The following LUZP2 variants were observed in gnomAD, a reference collection of about 807,000 sequenced individuals.
The protein encoded by LUZP2 is leucine zipper protein 2.
In LUZP2, 52 loss-of-function variants were observed where a neutral mutation model predicts 51.6. That is an observed-to-expected ratio of 1.01 (90% CI 0.81 to 1.27). LUZP2 has a LOEUF of 1.27. Ranked by LOEUF, LUZP2 falls within the 50% of genes most tolerant of loss-of-function variation. The pLI is 0.00. For missense variants in LUZP2, 436 were observed against 395.4 expected (o/e 1.10, Z -0.87); for synonymous variants, 154 against 137.3 (o/e 1.12, Z -0.85).
At chr11:24,623,258 A>G (rs1489509194) in intron 1 of LUZP2, among the ~76,000 whole-genome samples, 1 of 151,626 alleles carries the variant, frequency 6.6e-6, no homozygotes, top group East Asian at 1.9e-4. Context: ...GGAAAAAAAA[A>G]TTTACGGGAC....
chr11:24,734,465 A>T (rs1163130366), intron 3 of LUZP2, among the ~76,000 whole-genome samples: 1 of 151,898 alleles, frequency 6.6e-6, no homozygotes, highest in Non-Finnish European at 1.5e-5. Context: ...CAAGTCTTTC[A>T]AAGAGAGGGT....
chr11:24,681,172 G>A (rs945205943), intron 1 of LUZP2, among the ~76,000 whole-genome samples: 17 of 151,670 alleles, frequency 1.1e-4, no homozygotes, highest in Non-Finnish European at 1.9e-4. Flanking sequence ...TAGTAGAGAC[G>A]GGGTTTCACC....
At chr11:24,548,147 T>A (rs910835719) in intron 1 of LUZP2, among the ~76,000 whole-genome samples, 4 of 151,998 alleles carry the variant, frequency 2.6e-5, no homozygotes, top group African/African-American at 9.7e-5. Context: ...CCTGGAGATT[T>A]CACAAGGAAC....
chr11:25,030,706 A>AT (rs1046556283), intron 9 of LUZP2, among the ~76,000 whole-genome samples: 9 of 150,014 alleles, frequency 6.0e-5, no homozygotes, highest in Non-Finnish European at 8.9e-5. Context: ...TTAATACATA[A>AT]TTTGTTTTCC....
intron 9 of LUZP2, among the ~76,000 whole-genome samples, chr11:24,995,739 A>C (rs1344814488): frequency 1.3e-5 from 2 of 151,974 alleles, no homozygotes; most frequent in African/African-American, 2.4e-5. Context: ...GAATGCTTTA[A>C]ATTTTGTTTT....
chr11:24,850,768 C>G (rs192699359), intron 5 of LUZP2, among the ~76,000 whole-genome samples: 1 of 152,014 alleles, frequency 6.6e-6, no homozygotes, highest in East Asian at 1.9e-4. Context: ...AATATTTTTC[C>G]ATTTGTTTGT....
intron 1 of LUZP2, among the ~76,000 whole-genome samples, chr11:24,620,689 T>G (rs1854463936): frequency 6.6e-6 from 1 of 152,220 alleles, no homozygotes; most frequent in Non-Finnish European, 1.5e-5. Context: ...TGTGGACAGC[T>G]GCAAAGTAAG....
chr11:24,687,503 T>C (rs552072821), intron 1 of LUZP2, among the ~76,000 whole-genome samples: 18 of 152,250 alleles, frequency 1.2e-4, no homozygotes, highest in African/African-American at 4.3e-4. Flanking sequence ...ACACTAAGGT[T>C]TAGAGAGGTT....
chr11:24,619,188 C>G (rs1457385968), intron 1 of LUZP2, among the ~76,000 whole-genome samples: 2 of 152,018 alleles, frequency 1.3e-5, no homozygotes, highest in African/African-American at 4.8e-5. Flanking sequence ...ACCGCCATGC[C>G]TGGCTAATTA....
intron 1 of LUZP2, among the ~76,000 whole-genome samples, chr11:24,728,714 CCTT>C (rs1188956316): frequency 2.6e-5 from 4 of 151,974 alleles, no homozygotes; most frequent in African/African-American, 9.7e-5. Context: ...GAACTCCAAA[CCTT>C]CTGATATTTA....
chr11:24,528,578 A>G (rs1850893230), intron 1 of LUZP2, among the ~76,000 whole-genome samples: 1 of 151,322 alleles, frequency 6.6e-6, no homozygotes, highest in Non-Finnish European at 1.5e-5. Flanking sequence ...ACATATGTAT[A>G]CATGTGCCAG....
intron 7 of LUZP2, among the ~76,000 whole-genome samples, chr11:24,938,417 G>C (rs768743124): frequency 1.3e-5 from 2 of 152,074 alleles, no homozygotes; most frequent in Non-Finnish European, 2.9e-5. Flanking sequence ...ATAATAGTCA[G>C]AAATTCTTTA....
intron 7 of LUZP2, among the ~76,000 whole-genome samples, chr11:24,927,012 A>G (rs1486662921): frequency 2.0e-5 from 3 of 150,178 alleles, no homozygotes; most frequent in Non-Finnish European, 3.0e-5. Context: ...AATGTTGAGT[A>G]TTTTCTTATA....
At chr11:25,047,887 C>T (rs1294122344) in intron 9 of LUZP2, among the ~76,000 whole-genome samples, 2 of 152,122 alleles carry the variant, frequency 1.3e-5, no homozygotes, top group Non-Finnish European at 2.9e-5. Context: ...GATACAATCA[C>T]AGCTCACTGC....
At chr11:24,891,232 A>G (rs969301376) in intron 5 of LUZP2, 1 of 984,766 alleles carries the variant, frequency 1.0e-6, no homozygotes, top group African/African-American at 1.7e-5. Context: ...TGATAAGGCA[A>G]TTTAGCATTT....
At chr11:24,535,813 C>T (rs1301821693) in intron 1 of LUZP2, among the ~76,000 whole-genome samples, 3 of 151,654 alleles carry the variant, frequency 2.0e-5, no homozygotes, top group Non-Finnish European at 4.4e-5. Context: ...TAATGGCATC[C>T]AGAATGGTGA....
chr11:25,055,899 C>T (rs949808290), intron 10 of LUZP2, among the ~76,000 whole-genome samples: 2 of 152,114 alleles, frequency 1.3e-5, no homozygotes, highest in African/African-American at 4.8e-5. Context: ...TAATATAACT[C>T]ATCCAAAGGA....
chr11:24,650,826 T>A (rs1239071056), intron 1 of LUZP2, among the ~76,000 whole-genome samples: 4 of 152,084 alleles, frequency 2.6e-5, no homozygotes, highest in African/African-American at 9.7e-5. Context: ...TTCTGGAAAC[T>A]TTTGCATTAA....
intron 5 of LUZP2, among the ~76,000 whole-genome samples, chr11:24,904,483 C>T (rs1405989617): frequency 1.3e-5 from 2 of 152,062 alleles, no homozygotes; most frequent in Non-Finnish European, 2.9e-5. Flanking sequence ...CGGGGTTTCA[C>T]TGTGTTAGCC....
Sources: gnomAD v4.1 joint callset for allele counts (sites outside exome capture counted in the v4.1 genomes callset) on GRCh38, gnomAD v4.1.1 for gene constraint, MANE v1.5 for transcripts, NCBI Gene and HGNC (gene_info 2026-07-23, HGNC 2026-07-21) for gene names.